The following WSCD1 variants were observed in gnomAD, a reference collection of about 807,000 sequenced individuals.
WSCD1 encodes the protein sialate:O-sulfotransferase 1.
WSCD1 carries 41 observed loss-of-function variants against 60.4 expected under a neutral mutation model. The observed-to-expected ratio is 0.68, with a 90% CI of 0.53 to 0.88. The LOEUF (loss-of-function observed/expected upper bound fraction) is 0.88, where lower values mean the gene tolerates loss of function less well. Among genes scored for constraint, WSCD1 ranks in the 40% least tolerant of loss-of-function variants. The probability of loss-of-function intolerance (pLI) is 0.00; values close to 1 mark genes in which losing one functional copy is unlikely to be tolerated. For synonymous variants in WSCD1, 361 were observed against 332.5 expected, an observed-to-expected ratio of 1.09 and a Z score of -0.93; for missense variants, 784 against 796.2, an observed-to-expected ratio of 0.98 and a Z score of 0.18.
chr17:6,109,845 CA>C, intron 6 of WSCD1, 79 bp downstream of exon 6: 1 of 1,539,482 alleles, frequency 6.5e-7, no homozygotes, highest in Non-Finnish European at 8.8e-7. Context: ...AGATGCCAGT[CA>C]TGGCCAAGCA....
Position 6,120,546 on chromosome 17 carries a change from C to T in WSCD1, c.1613C>T (p.Pro538Leu), listed in dbSNP as rs1199606001. The change falls in exon 9 of 9, where the codon CCT (proline) becomes CTT (leucine). Residue 538 changes from proline to leucine, a missense_variant. Pro to Leu is a moderately conservative substitution (Grantham distance 98, BLOSUM62 -3). Coordinates refer to ENST00000317744, the MANE Select transcript of WSCD1 (RefSeq NM_015253.2). ...CGGCGCGGCCGGCGCTCCCACGACC[C>T]TGAGCCCTTCACCCCGGAGATGAAA... ...FRRRGRRSHD[P>L]EPFTPEMKDL... 1 of 1,613,844 alleles carries T rather than the reference C, an allele frequency of 6.2e-7. No individual in the cohort carries two copies. Among genetic ancestry groups the T allele is most frequent in the Non-Finnish European group, 8.5e-7 (1 of 1,180,008 alleles).
At chr17:6,074,027 C>T (rs1271563157) in intron 1 of WSCD1, among the ~76,000 whole-genome samples, 2 of 152,194 alleles carry the variant, frequency 1.3e-5, no homozygotes, top group African/African-American at 4.8e-5. Context: ...ATCATTCATC[C>T]AATGCACTTG....
At chr17:6,086,250 C>T (rs9913956) in intron 2 of WSCD1, among the ~76,000 whole-genome samples, 2,718 of 98,056 alleles carry the variant, frequency 0.028, 188 homozygotes, top group African/African-American at 0.11. Context: ...GTCCTGACTT[C>T]ATATATATAT....
At chr17:6,085,011 G>A (rs1254146716) in intron 2 of WSCD1, 1 of 152,218 alleles carries the variant, frequency 6.6e-6, no homozygotes, top group Non-Finnish European at 1.5e-5. Context: ...GCTGGTCACA[G>A]GTGGGCCACT....
intron 2 of WSCD1, among the ~76,000 whole-genome samples, chr17:6,083,818 T>G (rs1453666982): frequency 1.1e-4 from 16 of 152,056 alleles, no homozygotes; most frequent in Non-Finnish European, 5.9e-5. Context: ...AAAATAGAAG[T>G]GACCAGCAGA....
At chr17:6,090,067 G>T (rs8079425) in intron 3 of WSCD1, among the ~76,000 whole-genome samples, 100,000 of 151,840 alleles carry the variant, frequency 0.66, 36,503 homozygotes, top group East Asian at 0.88. Flanking sequence ...CAGGTAGCAA[G>T]GAGTTATCCC....
intron 5 of WSCD1, 49 bp downstream of exon 5, chr17:6,095,272 T>G: frequency 6.3e-7 from 1 of 1,575,960 alleles, no homozygotes; most frequent in Non-Finnish European, 8.6e-7. Flanking sequence ...GTGTGTGTGG[T>G]GGTCCTGAGA....
At chr17:6,113,968 G>A (rs1037867719) in intron 7 of WSCD1, among the ~76,000 whole-genome samples, 5 of 152,020 alleles carry the variant, frequency 3.3e-5, no homozygotes, top group African/African-American at 1.2e-4. Flanking sequence ...TCATATATAT[G>A]ATCCAGCAAT....
In WSCD1 at chr17:6,101,540, C is replaced by T. The variant is rs190173582; in HGVS notation, c.849+6317C>T. On this transcript the variant is annotated intron_variant, in intron 5 of 8. Coordinates refer to ENST00000317744, the MANE Select transcript of WSCD1 (RefSeq NM_015253.2). This position sits in a 1 kb window ranked among gnomAD's most constrained non-coding sequence, Gnocchi z 4.1. ...AATGTCTACTGTTTTTGCTAGTTCGCGAAAATGGATTTGGGGAGATCCAAG... is the reference window on the plus strand; with the variant it reads ...AATGTCTACTGTTTTTGCTAGTTCGTGAAAATGGATTTGGGGAGATCCAAG... Among the ~76,000 whole-genome samples, 164 of 151,996 alleles carry T rather than the reference C, an allele frequency of 1.1e-3. 1 individual carries two copies. The highest frequency in any genetic ancestry group is 1.9e-3 in the Non-Finnish European group (131 of 67,978).
At chr17:6,081,211 C>A in intron 2 of WSCD1, 126 bp downstream of exon 2, 1 of 1,207,464 alleles carries the variant, frequency 8.3e-7, no homozygotes, top group Non-Finnish European at 1.1e-6. Flanking sequence ...TCCTTCTGCT[C>A]TGCAGGACAG....
Position 6,120,771 on chromosome 17 carries a change from G to A in WSCD1, c.*110G>A. On this transcript the variant is annotated 3_prime_UTR_variant, in exon 9 of 9. Transcript: ENST00000317744. ...GGCCTCACTGGGACGAACGGTGGGT[G>A]GGGGGCTCACCCTGGTGCTGCCTCC... 8.4e-7 allele frequency: 1 copy of A among 1,191,192 alleles called. No homozygotes were observed. Among genetic ancestry groups the A allele is most frequent in the Non-Finnish European group, 1.2e-6 (1 of 864,142 alleles). 73.8% of individuals were successfully genotyped at this position (1,191,192 alleles called of 1,614,324 possible).
chr17:6,120,634 G>T lies in WSCD1; in HGVS notation c.1701G>T (p.Gly567=). 1.2e-6 allele frequency: 2 copies of T among 1,612,748 alleles called. No homozygotes were observed. Among genetic ancestry groups the T allele is most frequent in the Non-Finnish European group, 1.7e-6 (2 of 1,179,598 alleles). Residue 567 remains glycine (G), a synonymous_variant, in exon 9 of 9, where the codon GGG becomes GGT. Coordinates refer to ENST00000317744, the MANE Select transcript of WSCD1 (RefSeq NM_015253.2). ...CCCTGCGTGACCACAACTGGACGGGGCTGCCCAGGGAGTATGTGCCCAGAT... is the reference window on the plus strand; with the variant it reads ...CCCTGCGTGACCACAACTGGACGGGTCTGCCCAGGGAGTATGTGCCCAGAT... ...DQALRDHNWT[G]LPREYVPR is the part of the protein sequence containing the mutation.
Position 6,080,775 on chromosome 17 carries a change from C to T in WSCD1, c.117C>T (p.Arg39=), listed in dbSNP as rs369803050. 52 of 1,611,780 alleles carry T rather than the reference C, an allele frequency of 3.2e-5. No individual in the cohort carries two copies. Among genetic ancestry groups the T allele is most frequent in the East Asian group, 1.3e-4 (6 of 44,834 alleles). Residue 39 remains arginine (R), a synonymous_variant, in exon 2 of 9, where the codon CGC becomes CGT. Coordinates refer to ENST00000317744, the MANE Select transcript of WSCD1 (RefSeq NM_015253.2). The surrounding 1 kb of genome is among the most constrained non-coding windows in gnomAD (Gnocchi z 6.6). The stretch of plus-strand genomic sequence containing the variant: ...GCCTGCTGCTGCTGCAGCGGGTCCG[C>T]GTGGCTCTCCCACAGGGCCCCCGGG... ...TGSLLLLQRV[R]VALPQGPRAP... is the part of the protein sequence containing the mutation.
At chr17:6,078,290 T>C (rs1179257394) in intron 1 of WSCD1, among the ~76,000 whole-genome samples, 44 of 152,104 alleles carry the variant, frequency 2.9e-4, no homozygotes, top group Non-Finnish European at 4.4e-5. Context: ...ATTACAGACT[T>C]TGGAGGGTAA....
chr17:6,079,675 C>T (rs1909100122), intron 1 of WSCD1, among the ~76,000 whole-genome samples: 1 of 152,210 alleles, frequency 6.6e-6, no homozygotes, highest in Non-Finnish European at 1.5e-5. Flanking sequence ...AACGACCAGC[C>T]TGTGCAGAAG....
At chr17:6,098,634 C>T (rs961941547) in intron 5 of WSCD1, among the ~76,000 whole-genome samples, 2 of 152,220 alleles carry the variant, frequency 1.3e-5, no homozygotes, top group Non-Finnish European at 2.9e-5. Flanking sequence ...GATCCTTATC[C>T]GGGCTGCCTC....
At position 6,075,952 on chromosome 17, in the gene WSCD1, G is replaced by A. The variant is rs556566065; in HGVS notation, c.-288-4419G>A. Among the ~76,000 whole-genome samples, 1 of 152,340 alleles carries A rather than the reference G, an allele frequency of 6.6e-6. No individual in the cohort carries two copies. Among genetic ancestry groups the A allele is most frequent in the African/African-American group, 2.4e-5 (1 of 41,572 alleles). ...CTCACGGACAAGGCACTGTCTGGAA[G>A]GCTTGGCTGGGGAGACACCATGTGT... On this transcript the variant is annotated intron_variant, in intron 1 of 8. Coordinates refer to ENST00000317744, the MANE Select transcript of WSCD1 (RefSeq NM_015253.2). This position sits in a 1 kb window ranked among gnomAD's most constrained non-coding sequence, Gnocchi z 4.1.
chr17:6,116,674 C>A (rs914191098), intron 7 of WSCD1, among the ~76,000 whole-genome samples: 1 of 152,236 alleles, frequency 6.6e-6, no homozygotes, highest in African/African-American at 2.4e-5. Flanking sequence ...TGGCCCATGG[C>A]AGAGATAAGT....
At chr17:6,087,278 G>T (rs1405616861) in intron 2 of WSCD1, among the ~76,000 whole-genome samples, 1 of 152,130 alleles carries the variant, frequency 6.6e-6, no homozygotes, top group Admixed American at 6.5e-5. Flanking sequence ...TCACTGGCGC[G>T]TGCACGGCTG....
Sources: gnomAD v4.1 joint callset for allele counts (sites outside exome capture counted in the v4.1 genomes callset) on GRCh38, gnomAD v4.1.1 for gene constraint, Gnocchi (gnomAD v3.1) non-coding constraint, MANE v1.5 for transcripts, NCBI Gene and HGNC (gene_info 2026-07-23, HGNC 2026-07-21) for gene names.